Variants in CLEC2L observed in about 807,000 individuals in gnomAD.
CLEC2L encodes C-type lectin domain family 2, member L.
CLEC2L carries 14 observed loss-of-function variants against 23.6 expected under a neutral mutation model. The observed-to-expected ratio is 0.59, with a 90% CI of 0.39 to 0.93. The LOEUF is 0.93. CLEC2L is among the 40% of genes least tolerant of loss of function. CLEC2L has a pLI of 0.00. For synonymous variants in CLEC2L, 114 were observed against 121.3 expected, an observed-to-expected ratio of 0.94 and a Z score of 0.40; for missense variants, 264 against 282.4, an observed-to-expected ratio of 0.93 and a Z score of 0.47.
In CLEC2L at chr7:139,523,863, G is replaced by A; in HGVS notation, c.-65G>A. 2 of 970,382 alleles carry A rather than the reference G, an allele frequency of 2.1e-6. No individual in the cohort carries two copies. Among genetic ancestry groups the A allele is most frequent in the Non-Finnish European group, 2.4e-6 (2 of 819,232 alleles). 60.1% of individuals were successfully genotyped at this position (970,382 alleles called of 1,614,324 possible). ...CCGCAGGGCGCGCGGAGCGCCGAGT[G>A]CGCGTCGGGCTGGGCCCCGCACCCC... On this transcript the variant is annotated 5_prime_UTR_variant, in exon 1 of 5. Coordinates refer to ENST00000422142, the MANE Select transcript of CLEC2L (RefSeq NM_001080511.4). This position sits in a 1 kb window ranked among gnomAD's most constrained non-coding sequence, Gnocchi z 4.1.
Position 139,530,938 on chromosome 7 carries a change from T to A in CLEC2L, c.191-5336T>A, listed in dbSNP as rs534946740. On this transcript the variant is annotated intron_variant, in intron 1 of 4. Coordinates refer to ENST00000422142, the MANE Select transcript of CLEC2L (RefSeq NM_001080511.4). The stretch of plus-strand genomic sequence containing the variant: ...CCCAGCCTCTTCCCTCAGCTAGCCC[T>A]GTATTCTCCTGGGGAGAAAACAGAA... Among the ~76,000 whole-genome samples the A allele has an allele frequency of 4.6e-5, 7 of 152,184 alleles. No homozygotes were observed. In the South Asian group the frequency reaches 1.5e-3, roughly 32 times the overall value.
intron 2 of CLEC2L, among the ~76,000 whole-genome samples, chr7:139,538,641 C>G (rs1219618555): frequency 1.3e-5 from 2 of 152,046 alleles, no homozygotes; most frequent in Non-Finnish European, 2.9e-5. Flanking sequence ...CCCAGCTACT[C>G]AGGAGGCTGA....
chr7:139,534,701 A>G (rs1797628147), intron 1 of CLEC2L, among the ~76,000 whole-genome samples: 1 of 152,092 alleles, frequency 6.6e-6, no homozygotes, highest in South Asian at 2.1e-4. Context: ...TGAAATGTGA[A>G]GTTCTTTTTC....
At chr7:139,530,813 CAAAAAAA>C (rs34317849) in intron 1 of CLEC2L, among the ~76,000 whole-genome samples, 2 of 80,658 alleles carry the variant, frequency 2.5e-5, no homozygotes, top group East Asian at 3.8e-4. Context: ...ACTCTTGTCT[CAAAAAAA>C]AAAAAAAAAA....
rs1797779640 is a variant in CLEC2L, at chr7:139,544,403, C to G, written c.*61C>G. The G allele has an allele frequency of 1.6e-6, 2 of 1,244,286 alleles. No individual in the cohort carries two copies. Among genetic ancestry groups the G allele is most frequent in the Admixed American group, 2.0e-5 (1 of 50,788 alleles). The allele number at this position is 1,244,286 out of a possible 1,614,324, so 77.1% of individuals were successfully genotyped here. A position where few individuals can be genotyped will look rare whatever the true frequency, so the allele number is the denominator to read the frequency against. On this transcript the variant is annotated 3_prime_UTR_variant, in exon 5 of 5. Coordinates refer to ENST00000422142, the MANE Select transcript of CLEC2L (RefSeq NM_001080511.4). The stretch of plus-strand genomic sequence containing the variant: ...CTGTGGGAGGTGTCTGGTGTCTGCT[C>G]AAGACCTGCTTCCAGCGGAGCCGCC...
intron 2 of CLEC2L, among the ~76,000 whole-genome samples, chr7:139,536,744 GT>G (rs1797663445): frequency 6.6e-6 from 1 of 152,036 alleles, no homozygotes; most frequent in South Asian, 2.1e-4. Context: ...GGAGGCTGAG[GT>G]GGGTGGATCA....
chr7:139,531,775 T>G (rs1797586046), intron 1 of CLEC2L, among the ~76,000 whole-genome samples: 1 of 152,036 alleles, frequency 6.6e-6, no homozygotes, highest in Admixed American at 6.6e-5. Flanking sequence ...CCAGGTGTGA[T>G]GGCAGGCACC....
Position 139,524,124 on chromosome 7 carries a change from G to A in CLEC2L, c.190+7G>A. 8.2e-7 allele frequency: 1 copy of A among 1,224,798 alleles called. No individual in the cohort carries two copies. The highest frequency in any genetic ancestry group is 4.1e-5 in the South Asian group (1 of 24,216). 75.9% of individuals were successfully genotyped at this position (1,224,798 alleles called of 1,614,324 possible). A position where few individuals can be genotyped will look rare whatever the true frequency, so the allele number is the denominator to read the frequency against. On this transcript the variant is annotated splice_region_variant and intron_variant, in intron 1 of 4. Transcript: ENST00000422142. ...TGGAAGGCGGCCTTGGAGGGTAAGC[G>A]CGGAGCGGCCTCCCTCTCCTGGCCC...
intron 1 of CLEC2L, among the ~76,000 whole-genome samples, chr7:139,526,484 G>T (rs1797508812): frequency 6.6e-6 from 1 of 152,184 alleles, no homozygotes; most frequent in Non-Finnish European, 1.5e-5. Flanking sequence ...GCTGGCTTTT[G>T]TATTTGTCTC....
At chr7:139,525,453 G>C (rs1314338189) in intron 1 of CLEC2L, among the ~76,000 whole-genome samples, 1 of 152,150 alleles carries the variant, frequency 6.6e-6, no homozygotes, top group African/African-American at 2.4e-5. Context: ...GGCAGGGACA[G>C]AGGAGGCGAA....
intron 2 of CLEC2L, among the ~76,000 whole-genome samples, chr7:139,537,621 G>A (rs1797678147): frequency 6.6e-6 from 1 of 152,212 alleles, no homozygotes; most frequent in Non-Finnish European, 1.5e-5. Flanking sequence ...AGAGGGGATG[G>A]GGTGAGGGAT....
At chr7:139,538,922 G>A (rs1028456036) in intron 2 of CLEC2L, among the ~76,000 whole-genome samples, 1 of 152,196 alleles carries the variant, frequency 6.6e-6, no homozygotes, top group Non-Finnish European at 1.5e-5. Flanking sequence ...TTTTAATAAA[G>A]CACAACAGTC....
intron 1 of CLEC2L, among the ~76,000 whole-genome samples, chr7:139,531,060 C>T (rs1036764702): frequency 1.3e-5 from 2 of 152,194 alleles, no homozygotes; most frequent in Non-Finnish European, 2.9e-5. Context: ...GATCACTCTA[C>T]TGTGTCCCCC....
At chr7:139,542,150 C>G (rs767122126) in intron 4 of CLEC2L, 29 bp downstream of exon 4, 14 of 1,506,562 alleles carry the variant, frequency 9.3e-6, no homozygotes, top group Non-Finnish European at 1.1e-5. Context: ...TTCTGGCTAC[C>G]GAGCTTAGAC....
chr7:139,525,232 G>T (rs1797490207), intron 1 of CLEC2L, among the ~76,000 whole-genome samples: 1 of 152,016 alleles, frequency 6.6e-6, no homozygotes, highest in Admixed American at 6.5e-5. Flanking sequence ...TGGCCCAGAG[G>T]GGTGGGACCC....
chr7:139,526,491 T>A (rs985871299), intron 1 of CLEC2L, among the ~76,000 whole-genome samples: 1 of 152,124 alleles, frequency 6.6e-6, no homozygotes, highest in African/African-American at 2.4e-5. Flanking sequence ...TTTGTATTTG[T>A]CTCCATCATG....
chr7:139,534,216 C>T (rs772606774), intron 1 of CLEC2L: 6 of 833,906 alleles, frequency 7.2e-6, no homozygotes, highest in South Asian at 2.7e-5. Flanking sequence ...GTGTCGGCAG[C>T]GGCTGTAGCA....
chr7:139,528,363 A>C (rs1797534497), intron 1 of CLEC2L, among the ~76,000 whole-genome samples: 1 of 152,212 alleles, frequency 6.6e-6, no homozygotes, highest in Non-Finnish European at 1.5e-5. Context: ...CTGCTAATAA[A>C]GACATACCCA....
In CLEC2L at chr7:139,524,134, C is replaced by T. The variant is rs539836699; in HGVS notation, c.190+17C>T. 1.6e-6 allele frequency: 2 copies of T among 1,220,270 alleles called. No homozygotes were observed. The highest frequency in any genetic ancestry group is 8.3e-5 in the South Asian group (2 of 24,176). The allele number at this position is 1,220,270 out of a possible 1,614,324, so 75.6% of individuals were successfully genotyped here. A position where few individuals can be genotyped will look rare whatever the true frequency, so the allele number is the denominator to read the frequency against. On this transcript the variant is annotated intron_variant, in intron 1 of 4. Transcript: ENST00000422142. ...CCTTGGAGGGTAAGCGCGGAGCGGC[C>T]TCCCTCTCCTGGCCCAGGGACCCCT...
Sources: gnomAD v4.1 joint callset for allele counts (sites outside exome capture counted in the v4.1 genomes callset) on GRCh38, gnomAD v4.1.1 for gene constraint, Gnocchi (gnomAD v3.1) non-coding constraint, MANE v1.5 for transcripts, NCBI Gene and HGNC (gene_info 2026-07-23, HGNC 2026-07-21) for gene names.